The following MARCHF1 variants were observed in gnomAD, a reference collection of about 807,000 sequenced individuals.
MARCHF1 encodes E3 ubiquitin-protein ligase MARCHF1.
In MARCHF1, 40 loss-of-function variants were observed where a neutral mutation model predicts 54.2. The ratio of observed to expected loss-of-function variants is 0.74; its 90% CI spans 0.57 to 0.96. The LOEUF (loss-of-function observed/expected upper bound fraction) is 0.96. MARCHF1 is among the 40% of genes least tolerant of loss of function. MARCHF1 has a pLI of 0.00. For synonymous variants in MARCHF1, 236 were observed against 236.3 expected (o/e 1.00, Z 0.01); for missense variants, 586 against 656.5 (o/e 0.89, Z 1.17).
chr4:164,070,072 C>T (rs1043732787), intron 2 of MARCHF1, among the ~76,000 whole-genome samples: 9 of 152,104 alleles, frequency 5.9e-5, no homozygotes, highest in Non-Finnish European at 1.0e-4. Flanking sequence ...ATGGAGCATA[C>T]ATTGACATTA....
intron 2 of MARCHF1, among the ~76,000 whole-genome samples, chr4:164,051,534 C>A (rs1466144742): frequency 3.3e-5 from 5 of 152,144 alleles, no homozygotes; most frequent in African/African-American, 1.2e-4. Context: ...CTTATAGTAA[C>A]TGGTAACATT....
At chr4:164,003,437 G>A (rs1417228325) in intron 2 of MARCHF1, among the ~76,000 whole-genome samples, 6 of 151,866 alleles carry the variant, frequency 4.0e-5, no homozygotes, top group African/African-American at 1.2e-4. Context: ...AGTAGTCAAC[G>A]AAAAAGTACT....
At chr4:163,941,917 T>A (rs1751920320) in intron 3 of MARCHF1, among the ~76,000 whole-genome samples, 1 of 152,164 alleles carries the variant, frequency 6.6e-6, no homozygotes. Flanking sequence ...TTAAATAAAA[T>A]AATCCTACTT....
chr4:164,036,939 G>T (rs1038371480), intron 2 of MARCHF1, among the ~76,000 whole-genome samples: 2 of 152,276 alleles, frequency 1.3e-5, no homozygotes, highest in African/African-American at 4.8e-5. Context: ...TCTCAGACCA[G>T]AGTGTCAGCA....
chr4:163,890,161 C>A (rs751442879), intron 3 of MARCHF1, among the ~76,000 whole-genome samples: 1 of 150,670 alleles, frequency 6.6e-6, no homozygotes, highest in Non-Finnish European at 1.5e-5. Flanking sequence ...GTCTCGATCT[C>A]CTGACCTCGT....
intron 1 of MARCHF1, among the ~76,000 whole-genome samples, chr4:164,208,864 A>C (rs1230744011): frequency 1.3e-5 from 2 of 152,006 alleles, no homozygotes; most frequent in African/African-American, 4.8e-5. Flanking sequence ...TGGAAGAAAC[A>C]CTTGACCCCC....
At chr4:163,819,790 T>C (rs1457558113) in intron 4 of MARCHF1, among the ~76,000 whole-genome samples, 1 of 152,084 alleles carries the variant, frequency 6.6e-6, no homozygotes, top group East Asian at 1.9e-4. Context: ...TGTCATCTCT[T>C]CTACTACAAT....
intron 7 of MARCHF1, among the ~76,000 whole-genome samples, chr4:163,592,186 C>T (rs1229019208): frequency 6.6e-6 from 1 of 152,024 alleles, no homozygotes; most frequent in African/African-American, 2.4e-5. Context: ...CAGATAATAC[C>T]ATTTTTGTAA....
At chr4:164,086,302 G>A (rs1407429256) in intron 2 of MARCHF1, among the ~76,000 whole-genome samples, 1 of 151,706 alleles carries the variant, frequency 6.6e-6, no homozygotes, top group African/African-American at 2.4e-5. Flanking sequence ...GATGTATCAT[G>A]AATCTTTTCA....
At chr4:163,639,450 A>G (rs576449833) in intron 5 of MARCHF1, among the ~76,000 whole-genome samples, 16 of 152,318 alleles carry the variant, frequency 1.1e-4, no homozygotes, top group Non-Finnish European at 2.4e-4. Flanking sequence ...CATGATTTTT[A>G]TAATGAGTAA....
At chr4:163,879,476 T>C (rs903830188) in intron 3 of MARCHF1, among the ~76,000 whole-genome samples, 2 of 152,160 alleles carry the variant, frequency 1.3e-5, no homozygotes, top group Non-Finnish European at 2.9e-5. Context: ...GAGGCCTCTA[T>C]GTACTAATCT....
At chr4:163,965,624 C>A (rs529957404) in intron 3 of MARCHF1, among the ~76,000 whole-genome samples, 1 of 152,044 alleles carries the variant, frequency 6.6e-6, no homozygotes, top group Non-Finnish European at 1.5e-5. Flanking sequence ...CTGTACATGA[C>A]ATTTTAATCA....
chr4:163,548,396 A>C (rs1459111901), intron 8 of MARCHF1, among the ~76,000 whole-genome samples: 1 of 150,568 alleles, frequency 6.6e-6, no homozygotes, highest in African/African-American at 2.4e-5. Context: ...ACTTCTATCT[A>C]TGGAGCAATT....
At chr4:164,241,079 T>C (rs1732729783) in intron 1 of MARCHF1, among the ~76,000 whole-genome samples, 1 of 152,002 alleles carries the variant, frequency 6.6e-6, no homozygotes, top group South Asian at 2.1e-4. Context: ...TTTTAGACTT[T>C]TGCATTAAGG....
intron 9 of MARCHF1, among the ~76,000 whole-genome samples, chr4:163,533,887 C>G (rs988234445): frequency 3.3e-5 from 5 of 151,530 alleles, no homozygotes; most frequent in Non-Finnish European, 4.4e-5. Context: ...TTAGCCATGC[C>G]CAATGGAGTT....
intron 4 of MARCHF1, among the ~76,000 whole-genome samples, chr4:163,779,068 T>C (rs1747388373): frequency 6.6e-6 from 1 of 152,218 alleles, no homozygotes; most frequent in Non-Finnish European, 1.5e-5. Context: ...TATTGTCTTT[T>C]CATTAGAGTT....
intron 2 of MARCHF1, among the ~76,000 whole-genome samples, chr4:164,081,291 G>A (rs955539207): frequency 2.1e-5 from 3 of 142,598 alleles, no homozygotes; most frequent in Admixed American, 7.1e-5. Context: ...ATGAGTTCAT[G>A]ATTCAAAATA....
chr4:164,135,278 T>C (rs956066826), intron 1 of MARCHF1: 4 of 152,208 alleles, frequency 2.6e-5, no homozygotes, highest in African/African-American at 7.2e-5. Context: ...TTTGACACTG[T>C]TTTACCATGA....
chr4:164,072,484 T>C (rs1384466537), intron 2 of MARCHF1, among the ~76,000 whole-genome samples: 3 of 151,790 alleles, frequency 2.0e-5, no homozygotes, highest in African/African-American at 7.3e-5. Flanking sequence ...TCACCTGAGC[T>C]CAGGAGTTTA....
Sources: allele counts gnomAD v4.1 joint callset (sites outside exome capture counted in the v4.1 genomes callset), GRCh38; gene constraint gnomAD v4.1.1; transcripts MANE v1.5; gene names NCBI Gene and HGNC (gene_info 2026-07-23, HGNC 2026-07-21).